OXR1: variants seen among roughly 807,000 people sequenced by gnomAD.
OXR1 encodes oxidation resistance 1.
Under a neutral mutation model 104.6 loss-of-function variants are expected in OXR1, and 41 were observed. The ratio of observed to expected loss-of-function variants is 0.39; its 90% CI spans 0.31 to 0.51. OXR1 has a LOEUF of 0.51. Ranked by LOEUF, OXR1 falls within the 20% of genes least tolerant of loss-of-function variation. OXR1 has a pLI of 0.77. For missense variants in OXR1, 955 were observed against 1,031.9 expected, an observed-to-expected ratio of 0.93 and a Z score of 1.02; for synonymous variants, 348 against 348.4, an observed-to-expected ratio of 1.00 and a Z score of 0.01.
chr8:106,524,945 C>T (rs1477476538), intron 3 of OXR1, among the ~76,000 whole-genome samples: 2 of 152,114 alleles, frequency 1.3e-5, no homozygotes, highest in Non-Finnish European at 2.9e-5. Context: ...TTATGAGCTC[C>T]CCTGGCATCT....
intron 2 of OXR1, among the ~76,000 whole-genome samples, chr8:106,497,209 T>C: frequency 6.6e-6 from 1 of 152,212 alleles, no homozygotes; most frequent in East Asian, 1.9e-4. Context: ...GAGGAGGATT[T>C]CATAAATGCT....
chr8:106,727,538 C>T (rs932998516), intron 11 of OXR1, among the ~76,000 whole-genome samples: 31 of 152,178 alleles, frequency 2.0e-4, no homozygotes, highest in African/African-American at 7.0e-4. Context: ...CTGCCTCAGC[C>T]CGGCAAGTAG....
intron 1 of OXR1, among the ~76,000 whole-genome samples, chr8:106,353,593 T>G (rs1815829704): frequency 6.6e-6 from 1 of 152,086 alleles, no homozygotes; most frequent in Non-Finnish European, 1.5e-5. Context: ...TACATTAAAT[T>G]TTTTTCTTAT....
intron 16 of OXR1, 43 bp from the exon 17 acceptor site, chr8:106,750,763 C>G: frequency 7.0e-7 from 1 of 1,424,668 alleles, no homozygotes; most frequent in Non-Finnish European, 9.6e-7. Flanking sequence ...TGTTTTATAA[C>G]TTAAGGCATA....
At chr8:106,398,699 C>T (rs547036946) in intron 2 of OXR1, among the ~76,000 whole-genome samples, 18 of 152,220 alleles carry the variant, frequency 1.2e-4, no homozygotes, top group African/African-American at 3.9e-4. Context: ...TCCCTCTTCC[C>T]TTCTTGGGAA....
At chr8:106,467,707 C>T (rs1821248948) in intron 2 of OXR1, among the ~76,000 whole-genome samples, 4 of 151,870 alleles carry the variant, frequency 2.6e-5, no homozygotes, top group Admixed American at 2.6e-4. Flanking sequence ...CAAGGCCTTA[C>T]TTACATGCTT....
rs561965137 is a variant in OXR1 at position 106,576,575 on chromosome 8, T to G, written c.220+57436T>G. Reference sequence around the variant, plus strand: ...GATTTTTATCCAAAGTAAAAATAAATGTACAGTCTATGTAACATGTAAAGG... The same window carrying G: ...GATTTTTATCCAAAGTAAAAATAAAGGTACAGTCTATGTAACATGTAAAGG... On this transcript the variant is annotated intron_variant, in intron 3 of 16. Coordinates refer to ENST00000517566, the MANE Select transcript of OXR1 (RefSeq NM_001198533.2). 2.0e-5 allele frequency among the ~76,000 whole-genome samples: 3 copies of G among 151,586 alleles called. No homozygotes were observed. The East Asian group carries it at 5.8e-4, about 29-fold the overall frequency.
chr8:106,494,905 C>T (rs1447783304), intron 2 of OXR1, among the ~76,000 whole-genome samples: 1 of 152,146 alleles, frequency 6.6e-6, no homozygotes, highest in African/African-American at 2.4e-5. Flanking sequence ...TTATTTATTA[C>T]TTACATCCCC....
chr8:106,296,374 G>A (rs1270116114), intron 1 of OXR1, among the ~76,000 whole-genome samples: 1 of 152,114 alleles, frequency 6.6e-6, no homozygotes, highest in South Asian at 2.1e-4. Context: ...TACTAATAAT[G>A]ATATTAGTAA....
intron 2 of OXR1, among the ~76,000 whole-genome samples, chr8:106,423,979 T>C (rs1313229446): frequency 1.3e-5 from 2 of 152,150 alleles, no homozygotes; most frequent in East Asian, 3.8e-4. Flanking sequence ...CTGTGTGGCC[T>C]AGGCTGGAAT....
chr8:106,571,273 G>A (rs1012101157), intron 3 of OXR1, among the ~76,000 whole-genome samples: 35 of 152,018 alleles, frequency 2.3e-4, no homozygotes, highest in Non-Finnish European at 4.7e-4. Flanking sequence ...AGAGATCAGG[G>A]TGCCAGTGTG....
At chr8:106,320,825 C>T (rs1344295845) in intron 1 of OXR1, among the ~76,000 whole-genome samples, 3 of 152,066 alleles carry the variant, frequency 2.0e-5, no homozygotes, top group African/African-American at 4.8e-5. Flanking sequence ...GCATGTACCA[C>T]CATGCCTAGC....
intron 3 of OXR1, among the ~76,000 whole-genome samples, chr8:106,571,522 G>C (rs1478450629): frequency 6.6e-6 from 1 of 152,128 alleles, no homozygotes; most frequent in East Asian, 1.9e-4. Context: ...GCGGCCAGGG[G>C]TGTGGCATAA....
At chr8:106,635,839 A>AT (rs1301103468) in intron 3 of OXR1, among the ~76,000 whole-genome samples, 1 of 152,172 alleles carries the variant, frequency 6.6e-6, no homozygotes, top group Admixed American at 6.5e-5. Context: ...TCTCCAAAGG[A>AT]TTTTTTACAA....
At chr8:106,363,556 C>T (rs113836461) in intron 2 of OXR1, among the ~76,000 whole-genome samples, 30 of 150,462 alleles carry the variant, frequency 2.0e-4, no homozygotes, top group African/African-American at 5.4e-4. Flanking sequence ...TGCATATATT[C>T]GTTTTTTTTT....
chr8:106,341,390 C>CAT (rs138432601), intron 1 of OXR1, among the ~76,000 whole-genome samples: 5,468 of 145,846 alleles, frequency 0.037, 139 homozygotes, highest in South Asian at 0.13. Context: ...AGTCAATCTA[C>CAT]ATATATATAT....
chr8:106,481,608 G>T (rs1822120826), intron 2 of OXR1, among the ~76,000 whole-genome samples: 1 of 152,048 alleles, frequency 6.6e-6, no homozygotes, highest in Non-Finnish European at 1.5e-5. Context: ...GAGCTATGGA[G>T]AATTGGGGAG....
Position 106,697,724 on chromosome 8 carries a change from G to A in OXR1, c.675+4847G>A, listed in dbSNP as rs1029033161. The A allele has an allele frequency of 1.2e-5, 19 of 1,613,920 alleles. 1 individual carries two copies. Among genetic ancestry groups the A allele is most frequent in the Middle Eastern group, 3.3e-4 (2 of 6,050 alleles). On this transcript the variant is annotated intron_variant, in intron 7 of 16. Coordinates refer to ENST00000517566, the MANE Select transcript of OXR1 (RefSeq NM_001198533.2). The stretch of plus-strand genomic sequence containing the variant: ...ATGCCATAGCGCTCAGCTGCTTGCA[G>A]GAACTGAGAGATCTTCTCCATCTGC...
At chr8:106,678,970 T>C (rs950186383) in intron 3 of OXR1, among the ~76,000 whole-genome samples, 2 of 152,054 alleles carry the variant, frequency 1.3e-5, no homozygotes, top group African/African-American at 2.4e-5. Context: ...TTGACAATTA[T>C]GTTTTGCGTT....
Sources: allele counts gnomAD v4.1 joint callset (sites outside exome capture counted in the v4.1 genomes callset), GRCh38; gene constraint gnomAD v4.1.1; transcripts MANE v1.5; gene names NCBI Gene and HGNC (gene_info 2026-07-23, HGNC 2026-07-21).